Variants in ITGAX observed in about 807,000 individuals in gnomAD.
ITGAX encodes the protein integrin alpha-X.
A neutral mutation model predicts 140.2 loss-of-function variants in ITGAX; 99 were observed. That is an observed-to-expected ratio of 0.71 (90% CI 0.60 to 0.83). The LOEUF (loss-of-function observed/expected upper bound fraction) is 0.83. Among genes scored for constraint, ITGAX ranks in the 40% least tolerant of loss-of-function variants. The probability of loss-of-function intolerance (pLI) is 0.00; values close to 1 mark genes in which losing one functional copy is unlikely to be tolerated. For missense variants in ITGAX, 1,444 were observed against 1,482.0 expected, an observed-to-expected ratio of 0.97 and a Z score of 0.42; for synonymous variants, 631 against 600.4, an observed-to-expected ratio of 1.05 and a Z score of -0.75.
chr16:31,364,152 G>C (rs1184416727), intron 14 of ITGAX, among the ~76,000 whole-genome samples: 3 of 152,156 alleles, frequency 2.0e-5, no homozygotes, highest in African/African-American at 7.2e-5. Flanking sequence ...GCTGCTCCAG[G>C]TGGCTCACAT....
At position 31,376,863 on chromosome 16, in the gene ITGAX, C is replaced by T. The variant is rs749962640; in HGVS notation, c.2573C>T (p.Thr858Ile). The change falls in exon 21 of 30, where the codon ACC (threonine) becomes ATC (isoleucine). Residue 858 changes from threonine (T) to isoleucine (I), a missense_variant. Thr to Ile is a moderately conservative substitution (Grantham distance 89). Transcript: ENST00000268296. ...AGCGCCCCAGTTGGGAGCCAGGGCA[C>T]CTGGAGCACCAGCTGCAGAATCAAC... is the stretch of plus-strand genomic sequence containing the variant. ...CDSAPVGSQGTWSTSCRINHL... is the reference protein window; with the variant it reads ...CDSAPVGSQGIWSTSCRINHL... 17 of 1,614,258 alleles carry T rather than the reference C, an allele frequency of 1.1e-5. No homozygotes were observed. The highest frequency in any genetic ancestry group is 2.2e-5 in the South Asian group (2 of 91,088).
chr16:31,373,081 G>A (rs1242578002), intron 19 of ITGAX, among the ~76,000 whole-genome samples, 168 bp from the exon 20 acceptor site: 4 of 146,612 alleles, frequency 2.7e-5, no homozygotes, highest in African/African-American at 1.0e-4. Context: ...TGAAAGAGCA[G>A]GACTCTGTCT....
At chr16:31,380,861 G>C (rs1401986104) in intron 28 of ITGAX, 36 bp from the exon 29 acceptor site, 1 of 1,562,268 alleles carries the variant, frequency 6.4e-7, no homozygotes, top group Non-Finnish European at 8.8e-7. Context: ...ATAGTAGGAG[G>C]ATGGGAGTGC....
Position 31,382,588 on chromosome 16 carries a change from C to G in ITGAX, c.*681C>G, listed in dbSNP as rs1183073122. The G allele has an allele frequency of 1.4e-6, 1 of 736,068 alleles. No homozygotes were observed. The highest frequency in any genetic ancestry group is 1.7e-5 in the African/African-American group (1 of 57,786). 45.6% of individuals were successfully genotyped at this position (736,068 alleles called of 1,614,324 possible). On this transcript the variant is annotated 3_prime_UTR_variant, in exon 30 of 30. Transcript: ENST00000268296. ...AGAGGCTCTGTGCCCCCATCACCCT[C>G]GTTTCCAGTGAATTAGTGTCATGTC...
chr16:31,376,654 G>C, intron 20 of ITGAX, 145 bp from the exon 21 acceptor site: 1 of 694,530 alleles, frequency 1.4e-6, no homozygotes, highest in Non-Finnish European at 2.4e-6. Flanking sequence ...AAAAACATAA[G>C]CTTAAGGTGG....
intron 2 of ITGAX, chr16:31,356,280 T>C (rs2080759129): frequency 4.5e-6 from 2 of 441,784 alleles, no homozygotes; most frequent in Admixed American, 7.7e-5. Flanking sequence ...ATTTGTTTTT[T>C]CTTTCTTTTT....
intron 2 of ITGAX, among the ~76,000 whole-genome samples, 163 bp from the exon 3 acceptor site, chr16:31,356,462 G>A (rs1356218510): frequency 1.1e-4 from 16 of 152,120 alleles, no homozygotes; most frequent in Non-Finnish European, 2.4e-4. Flanking sequence ...ATACGCCAGA[G>A]AATCCAACAG....
chr16:31,366,157 T>A lies in ITGAX; in HGVS notation c.1710+2783T>A, dbSNP rs193070092. Among the ~76,000 whole-genome samples the A allele has an allele frequency of 3.9e-5, 6 of 152,370 alleles. No homozygotes were observed. The East Asian group carries it at 1.2e-3, about 29-fold the overall frequency. The stretch of plus-strand genomic sequence containing the variant: ...AGCGACCCTGCACTGAGCAAGTCTA[T>A]CAGTGCTGTTTTCCCAGCTGCATGC... On this transcript the variant is annotated intron_variant, in intron 14 of 29. Transcript: ENST00000268296.
At chr16:31,361,771 AGT>A in intron 9 of ITGAX, 63 bp from the exon 10 acceptor site, 2 of 1,507,840 alleles carry the variant, frequency 1.3e-6, no homozygotes, top group Non-Finnish European at 1.8e-6. Flanking sequence ...CTAAAGCTGA[AGT>A]GTTCTTGGAC....
Position 31,371,760 on chromosome 16 carries a change from T to C in ITGAX, c.2136T>C (p.Cys712=), listed in dbSNP as rs1567304100. 6.2e-7 allele frequency: 1 copy of C among 1,614,064 alleles called. No individual in the cohort carries two copies. Among genetic ancestry groups the C allele is most frequent in the Non-Finnish European group, 8.5e-7 (1 of 1,180,036 alleles). Residue 712 remains cysteine (C), a synonymous_variant, in exon 17 of 30, where the codon TGT becomes TGC. Coordinates refer to ENST00000268296, the MANE Select transcript of ITGAX (RefSeq NM_000887.5). ...RVRVLGLKAH[C]ENFNLLLPSC... ...GAGTCCTCGGGCTGAAGGCACACTG[T>C]GAAAACTTCAACCTGCTGCTCCCGG... is the stretch of plus-strand genomic sequence containing the variant.
chr16:31,375,632 A>G (rs948365099), intron 20 of ITGAX, among the ~76,000 whole-genome samples: 4 of 152,280 alleles, frequency 2.6e-5, no homozygotes, highest in African/African-American at 9.6e-5. Flanking sequence ...AAAATTGTGT[A>G]ACTGTCTCAA....
intron 2 of ITGAX, 187 bp downstream of exon 2, chr16:31,356,185 T>G (rs1210207844): frequency 1.8e-6 from 1 of 554,640 alleles, no homozygotes; most frequent in Non-Finnish European, 3.2e-6. Flanking sequence ...GAGCAGTAAG[T>G]GCAGTGCCAG....
chr16:31,371,703 G>T lies in ITGAX; in HGVS notation c.2079G>T (p.Gln693His), dbSNP rs773401157. 8.1e-5 allele frequency: 130 copies of T among 1,614,168 alleles called. No homozygotes were observed. The highest frequency in any genetic ancestry group is 1.1e-4 in the Non-Finnish European group (127 of 1,180,036). ...GCCTGAGTCCCCGTGCCACCTTCCAGGAAACAAAGAACCGGAGTCTGAGCC... is the reference window on the plus strand; with the variant it reads ...GCCTGAGTCCCCGTGCCACCTTCCATGAAACAAAGAACCGGAGTCTGAGCC... ...PGRLSPRATF[Q>H]ETKNRSLSRV... The change falls in exon 17 of 30, where the codon CAG (glutamine) becomes CAT (histidine). Residue 693 changes from glutamine (Q) to histidine (H), a missense_variant. Transcript: ENST00000268296.
At position 31,377,029 on chromosome 16, in the gene ITGAX, C is replaced by T; in HGVS notation, c.2655C>T (p.Ser885=). The T allele has an allele frequency of 6.2e-7, 1 of 1,614,178 alleles. No individual in the cohort carries two copies. The highest frequency in any genetic ancestry group is 8.5e-7 in the Non-Finnish European group (1 of 1,180,022). Reference sequence around the variant, plus strand: ...CCTTCTTGGCTACCTTTGACGTCTCCCCCAAGGCTGTCCTGGGAGACCGGC... The same window carrying T: ...CCTTCTTGGCTACCTTTGACGTCTCTCCCAAGGCTGTCCTGGGAGACCGGC... ...QITFLATFDV[S]PKAVLGDRLL... is the part of the protein sequence containing the mutation. Residue 885 remains serine (S), a synonymous_variant, in exon 22 of 30, where the codon TCC becomes TCT. Coordinates refer to ENST00000268296, the MANE Select transcript of ITGAX (RefSeq NM_000887.5).
At chr16:31,357,421 C>A in intron 5 of ITGAX, 57 bp downstream of exon 5, 1 of 1,156,152 alleles carries the variant, frequency 8.6e-7, no homozygotes, top group Non-Finnish European at 1.3e-6. Context: ...ATTGGGGGTG[C>A]GGTGGGCTAG....
intron 14 of ITGAX, among the ~76,000 whole-genome samples, chr16:31,367,953 C>T (rs1430012375): frequency 6.6e-6 from 1 of 152,092 alleles, no homozygotes; most frequent in Non-Finnish European, 1.5e-5. Context: ...AAAATATCAA[C>T]ATTAACACGA....
At chr16:31,359,600 G>A in intron 5 of ITGAX, 100 bp from the exon 6 acceptor site, 2 of 1,420,742 alleles carry the variant, frequency 1.4e-6, no homozygotes, top group South Asian at 1.3e-5. Context: ...GGGGCTTAGG[G>A]GAGGAAGGGT....
At chr16:31,372,309 T>C in intron 17 of ITGAX, 69 bp from the exon 18 acceptor site, 1 of 1,546,138 alleles carries the variant, frequency 6.5e-7, no homozygotes, top group Non-Finnish European at 8.7e-7. Context: ...GGATAAGAAC[T>C]GCGGATGAGG....
At position 31,359,833 on chromosome 16, in the gene ITGAX, G is replaced by T. The variant is rs200189050; in HGVS notation, c.561+3G>T. ...AGTTCCAGAGACCCAGCACCCAGGT[G>T]TGCCTTTGGGGGAGGGAGGCTGCTG... On this transcript the variant is annotated splice_donor_region_variant and intron_variant, in intron 6 of 29. Transcript: ENST00000268296. The T allele has an allele frequency of 6.2e-7, 1 of 1,614,186 alleles. No homozygotes were observed. The highest frequency in any genetic ancestry group is 2.2e-5 in the East Asian group (1 of 44,892).
Sources: gnomAD v4.1 joint callset for allele counts (sites outside exome capture counted in the v4.1 genomes callset) on GRCh38, gnomAD v4.1.1 for gene constraint, MANE v1.5 for transcripts, NCBI Gene and HGNC (gene_info 2026-07-23, HGNC 2026-07-21) for gene names.